The following GABRA4 variants were observed in gnomAD, a reference collection of about 807,000 sequenced individuals.
The protein encoded by GABRA4 is gamma-aminobutyric acid receptor subunit alpha-4.
A neutral mutation model predicts 49.7 loss-of-function variants in GABRA4; 12 were observed. The ratio of observed to expected loss-of-function variants is 0.24; its 90% CI spans 0.15 to 0.39. GABRA4 has a LOEUF of 0.39. Among genes scored for constraint, GABRA4 ranks in the 10% least tolerant of loss-of-function variants. The pLI is 1.00. For missense variants in GABRA4, 506 were observed against 686.0 expected, an observed-to-expected ratio of 0.74 and a Z score of 2.93; for synonymous variants, 288 against 240.2, an observed-to-expected ratio of 1.20 and a Z score of -1.84.
intron 2 of GABRA4, chr4:46,992,580 A>G (rs1008355673): frequency 4.0e-6 from 2 of 503,642 alleles, no homozygotes; most frequent in Admixed American, 3.2e-5. Context: ...TCCCCCACCC[A>G]GCAGTCAGGT....
Position 46,942,199 on chromosome 4 carries a change from T to C in GABRA4, c.1135-13444A>G, listed in dbSNP as rs1053828971. On this transcript the variant is annotated intron_variant, in intron 8 of 8. Transcript: ENST00000264318. ...GTATAGAAAAACAGTACAAAATTCT[T>C]TTCTTTATGGAACATCCACTCATGA... is the stretch of plus-strand genomic sequence containing the variant. Among the ~76,000 whole-genome samples, 3 of 152,116 alleles carry C rather than the reference T, an allele frequency of 2.0e-5. No individual in the cohort carries two copies. In the South Asian group the frequency reaches 6.2e-4, roughly 31 times the overall value.
At chr4:46,967,141 T>C (rs1722791445) in intron 7 of GABRA4, among the ~76,000 whole-genome samples, 1 of 151,768 alleles carries the variant, frequency 6.6e-6, no homozygotes, top group African/African-American at 2.4e-5. Context: ...AATTCAAAAA[T>C]GTTCTATAAC....
Position 46,992,953 on chromosome 4 carries a change from GC to G in GABRA4, c.87-8del. 6.9e-7 allele frequency: 1 copy of G among 1,450,550 alleles called. No individual in the cohort carries two copies. The highest frequency in any genetic ancestry group is 1.6e-5 in the African/African-American group (1 of 62,558). The allele number at this position is 1,450,550 out of a possible 1,614,324, so 89.9% of individuals were successfully genotyped here. ...TCCTGGGGATTCGTTTAAACTGCAA[GC>G]GAAAAAAAAAAAACCGGGGGCGGAG... On this transcript the variant is annotated splice_polypyrimidine_tract_variant and splice_region_variant and intron_variant, in intron 1 of 8. Coordinates refer to ENST00000264318, the MANE Select transcript of GABRA4 (RefSeq NM_000809.4).
At chr4:46,968,275 A>G (rs981415041) in intron 7 of GABRA4, among the ~76,000 whole-genome samples, 8 of 151,670 alleles carry the variant, frequency 5.3e-5, no homozygotes, top group Admixed American at 2.6e-4. Context: ...AATCTGACAC[A>G]TCTTAGGTCT....
chr4:46,971,262 G>A (rs1722939631), intron 6 of GABRA4, 27 bp from the exon 7 acceptor site: 4 of 1,605,298 alleles, frequency 2.5e-6, no homozygotes, highest in Non-Finnish European at 3.4e-6. Context: ...AGGAAAATGT[G>A]TTATCGGTTC....
chr4:46,941,338 C>T (rs1486172240), intron 8 of GABRA4, among the ~76,000 whole-genome samples: 3 of 152,010 alleles, frequency 2.0e-5, no homozygotes, highest in Non-Finnish European at 4.4e-5. Context: ...GACTTCTTTG[C>T]TAGATACTAG....
intron 2 of GABRA4, among the ~76,000 whole-genome samples, chr4:46,984,130 T>C (rs1355567391): frequency 1.3e-5 from 2 of 152,122 alleles, no homozygotes; most frequent in Non-Finnish European, 2.9e-5. Flanking sequence ...TGATGTCTAA[T>C]TTGCTGCCAC....
At chr4:46,993,205 C>T (rs1723840430) in intron 1 of GABRA4, 134 bp downstream of exon 1, 4 of 830,954 alleles carry the variant, frequency 4.8e-6, no homozygotes, top group South Asian at 3.2e-5. Flanking sequence ...AAAAGCCTGG[C>T]TTCGGCCCCT....
At chr4:46,966,738 C>A (rs1257229513) in intron 7 of GABRA4, among the ~76,000 whole-genome samples, 1 of 151,686 alleles carries the variant, frequency 6.6e-6, no homozygotes, top group Non-Finnish European at 1.5e-5. Context: ...AGCAACTGTG[C>A]AACACATGAG....
At chr4:46,974,204 T>A (rs368493797) in intron 6 of GABRA4, 28 bp downstream of exon 6, 1 of 1,591,538 alleles carries the variant, frequency 6.3e-7, no homozygotes, top group Non-Finnish European at 8.6e-7. Flanking sequence ...CCAAGTAGCA[T>A]GTCGGCTTTA....
chr4:46,968,471 C>G (rs1044305064), intron 7 of GABRA4, among the ~76,000 whole-genome samples: 1 of 151,512 alleles, frequency 6.6e-6, no homozygotes, highest in African/African-American at 2.4e-5. Flanking sequence ...CCCCACACCT[C>G]CTGTGAAGAC....
At chr4:46,947,510 G>A (rs1311939524) in intron 8 of GABRA4, among the ~76,000 whole-genome samples, 1 of 151,510 alleles carries the variant, frequency 6.6e-6, no homozygotes, top group Non-Finnish European at 1.5e-5. Flanking sequence ...TATAGGGGAA[G>A]GAAGAGGAGG....
chr4:46,946,941 T>G (rs1722002517), intron 8 of GABRA4, among the ~76,000 whole-genome samples: 1 of 152,120 alleles, frequency 6.6e-6, no homozygotes, highest in Non-Finnish European at 1.5e-5. Flanking sequence ...GAGTTCTAGT[T>G]ATGCCGTGGA....
At chr4:46,929,577 C>T (rs1721355778) in intron 8 of GABRA4, among the ~76,000 whole-genome samples, 1 of 151,958 alleles carries the variant, frequency 6.6e-6, no homozygotes, top group African/African-American at 2.4e-5. Flanking sequence ...TGCAGTAAAC[C>T]ACTAAAATTC....
intron 7 of GABRA4, among the ~76,000 whole-genome samples, chr4:46,970,556 T>C (rs1722914478): frequency 6.6e-6 from 1 of 151,284 alleles, no homozygotes; most frequent in East Asian, 1.9e-4. Flanking sequence ...GAAAAACCAA[T>C]GTTTAGAAAA....
rs1450780437 is a variant in GABRA4, at chr4:46,928,558, G to A, written c.1332C>T (p.Thr444=). Residue 444 remains threonine, a synonymous_variant, in exon 9 of 9, where the codon ACC becomes ACT. Transcript: ENST00000264318. ...ATGGAAGTGCTCTTGCTGCAGATAT[G>A]GTTTCAGCTGCATTTGCACGGCTGA... ...NPFSRANAAE[T]ISAARALPSA... 1.2e-6 allele frequency: 2 copies of A among 1,613,646 alleles called. No homozygotes were observed. The highest frequency in any genetic ancestry group is 1.1e-5 in the South Asian group (1 of 91,080).
At chr4:46,968,699 T>C (rs17599367) in intron 7 of GABRA4, among the ~76,000 whole-genome samples, 17 of 151,558 alleles carry the variant, frequency 1.1e-4, no homozygotes, top group Non-Finnish European at 2.4e-4. Context: ...TACTTCGTTT[T>C]CTTAAAATAT....
At chr4:46,939,766 T>A (rs1356315611) in intron 8 of GABRA4, among the ~76,000 whole-genome samples, 3 of 152,036 alleles carry the variant, frequency 2.0e-5, no homozygotes, top group Non-Finnish European at 4.4e-5. Context: ...CTAACTTTTT[T>A]TGTATCTCAC....
At chr4:46,988,591 G>C (rs1360733781) in intron 2 of GABRA4, among the ~76,000 whole-genome samples, 1 of 152,170 alleles carries the variant, frequency 6.6e-6, no homozygotes, top group African/African-American at 2.4e-5. Context: ...TTTGATTTTT[G>C]TGGGGAAAAT....
Sources: gnomAD v4.1 joint callset for allele counts (sites outside exome capture counted in the v4.1 genomes callset) on GRCh38, gnomAD v4.1.1 for gene constraint, MANE v1.5 for transcripts, NCBI Gene and HGNC (gene_info 2026-07-23, HGNC 2026-07-21) for gene names.